The following ERFE variants were observed in gnomAD, a reference collection of about 807,000 sequenced individuals.
ERFE encodes complement C1q tumor necrosis factor-related protein 15.
ERFE carries 25 observed loss-of-function variants against 26.6 expected under a neutral mutation model. The ratio of observed to expected loss-of-function variants is 0.94; its 90% CI spans 0.69 to 1.31. The LOEUF is 1.31. ERFE is among the 40% of genes most tolerant of loss of function. ERFE has a pLI of 0.00. For synonymous variants in ERFE, 206 were observed against 204.5 expected, an observed-to-expected ratio of 1.01 and a Z score of -0.06; for missense variants, 447 against 440.2, an observed-to-expected ratio of 1.02 and a Z score of -0.14.
In ERFE at chr2:238,163,833, C is replaced by T; in HGVS notation, c.521C>T (p.Ala174Val). ...AGCCTCGCCCCGGTCTCGGCCACCG[C>T]CGGGGAGGACGACGACGACGTGGTG... ...AASLAPVSAT[A>V]GEDDDDVVGD... Residue 174 changes from alanine to valine, a missense_variant, in exon 4 of 8, where the codon GCC (alanine) becomes GTC (valine). Physicochemically the swap from Ala to Val is moderately conservative, Grantham distance 64 (BLOSUM62 0). Transcript: ENST00000546354. 7.6e-7 allele frequency: 1 copy of T among 1,322,386 alleles called. No homozygotes were observed. The highest frequency in any genetic ancestry group is 9.6e-7 in the Non-Finnish European group (1 of 1,043,148). The allele number at this position is 1,322,386 out of a possible 1,614,324, so 81.9% of individuals were successfully genotyped here.
chr2:238,161,215 C>T (rs543641491), intron 1 of ERFE, among the ~76,000 whole-genome samples: 2 of 152,300 alleles, frequency 1.3e-5, no homozygotes, highest in South Asian at 2.1e-4. Context: ...CTCCAGTGGT[C>T]GGATCCTCCT....
intron 1 of ERFE, among the ~76,000 whole-genome samples, chr2:238,160,485 G>A (rs1163167402): frequency 1.3e-5 from 2 of 152,152 alleles, no homozygotes; most frequent in African/African-American, 4.8e-5. Context: ...AGGGGGTAGA[G>A]GGGAGATCAG....
rs1693053161 is a variant in ERFE, at chr2:238,167,183, CTG to C, written c.*130_*131del. The C allele has an allele frequency of 1.0e-6, 1 of 978,176 alleles. No homozygotes were observed. Among genetic ancestry groups the C allele is most frequent in the African/African-American group, 1.6e-5 (1 of 62,320 alleles). 60.6% of individuals were successfully genotyped at this position (978,176 alleles called of 1,614,324 possible). A position where few individuals can be genotyped will look rare whatever the true frequency, so the allele number is the denominator to read the frequency against. ...CCCGGAACTCTGCCCACACTGGCCA[CTG>C]CAGTTCAGCCCACAGAGCCACTGCA... On this transcript the variant is annotated 3_prime_UTR_variant, in exon 8 of 8. Transcript: ENST00000546354.
Position 238,161,690 on chromosome 2 carries a change from A to C in ERFE, c.295A>C (p.Ser99Arg), listed in dbSNP as rs1692941495. 20 of 1,547,174 alleles carry C rather than the reference A, an allele frequency of 1.3e-5. No homozygotes were observed. The highest frequency in any genetic ancestry group is 1.7e-5 in the Non-Finnish European group (20 of 1,144,474). The change falls in exon 2 of 8, where the codon AGC becomes CGC. Residue 99 changes from serine (S) to arginine (R), a missense_variant. By Grantham distance (110) the Ser-to-Arg change is moderately radical (BLOSUM62 -1). Coordinates refer to ENST00000546354, the MANE Select transcript of ERFE (RefSeq NM_001291832.2). ...SDKGVNGKKRSRGKAKKLKFG... is the reference protein window; with the variant it reads ...SDKGVNGKKRRRGKAKKLKFG... ...CAAGGGTGTCAATGGCAAGAAGAGG[A>C]GCAGGGGCAAGGCCAAGAAGCTGAA... is the stretch of plus-strand genomic sequence containing the variant.
At chr2:238,164,425 TA>T in intron 6 of ERFE, 65 bp downstream of exon 6, 1 of 1,480,118 alleles carries the variant, frequency 6.8e-7, no homozygotes. Flanking sequence ...TGGAGGTGGT[TA>T]AACAGGCACT....
chr2:238,163,634 C>A (rs1028011147), intron 3 of ERFE, 103 bp from the exon 4 acceptor site: 1 of 1,206,160 alleles, frequency 8.3e-7, no homozygotes, highest in East Asian at 3.4e-5. Context: ...CCCCTGCGCC[C>A]GGCAGGCCCC....
chr2:238,167,240 G>T lies in ERFE; in HGVS notation c.*186G>T, dbSNP rs1272685805. 1 of 721,464 alleles carries T rather than the reference G, an allele frequency of 1.4e-6. No homozygotes were observed. Among genetic ancestry groups the T allele is most frequent in the Non-Finnish European group, 2.5e-6 (1 of 402,972 alleles). 44.7% of individuals were successfully genotyped at this position (721,464 alleles called of 1,614,324 possible). A position where few individuals can be genotyped will look rare whatever the true frequency, so the allele number is the denominator to read the frequency against. ...GGCCTACGGACGTGACACGCACGCT[G>T]GTGGTCCCGGAGCCAGGGTTGATTC... On this transcript the variant is annotated 3_prime_UTR_variant, in exon 8 of 8. Coordinates refer to ENST00000546354, the MANE Select transcript of ERFE (RefSeq NM_001291832.2).
chr2:238,158,976 G>T lies in ERFE; in HGVS notation c.-32G>T. The stretch of plus-strand genomic sequence containing the variant: ...AGGAGCCCGGGGCGTCCGAGACGCC[G>T]CGCTCGGAGCCGCGAGGGAACCGCC... On this transcript the variant is annotated 5_prime_UTR_variant, in exon 1 of 8. Coordinates refer to ENST00000546354, the MANE Select transcript of ERFE (RefSeq NM_001291832.2). 4.1e-6 allele frequency: 1 copy of T among 246,396 alleles called. No individual in the cohort carries two copies. Among genetic ancestry groups the T allele is most frequent in the South Asian group, 1.5e-4 (1 of 6,498 alleles). The allele number at this position is 246,396 out of a possible 1,614,324, so 15.3% of individuals were successfully genotyped here.
rs202207079 is a variant in ERFE, at chr2:238,168,067, C to T, written c.*1013C>T. 9 of 199,114 alleles carry T rather than the reference C, an allele frequency of 4.5e-5. No individual in the cohort carries two copies. In the East Asian group the frequency reaches 1.1e-3, roughly 24 times the overall value. 12.3% of individuals were successfully genotyped at this position (199,114 alleles called of 1,614,324 possible). ...CATCTTTCCCACTTGGGTGGCCATGCGGCGCTGACATTGGACAGGTGGTGG... is the reference window on the plus strand; with the variant it reads ...CATCTTTCCCACTTGGGTGGCCATGTGGCGCTGACATTGGACAGGTGGTGG... On this transcript the variant is annotated 3_prime_UTR_variant, in exon 8 of 8. Coordinates refer to ENST00000546354, the MANE Select transcript of ERFE (RefSeq NM_001291832.2).
Position 238,167,507 on chromosome 2 carries a change from C to CT in ERFE, c.*454dup. ...GTCAGCTGACGCAGGGCTGAGGGGG[C>CT]TGCCACAGGGACGTACGCTGTGTGT... On this transcript the variant is annotated 3_prime_UTR_variant, in exon 8 of 8. Transcript: ENST00000546354. 1 of 461,810 alleles carries CT rather than the reference C, an allele frequency of 2.2e-6. No individual in the cohort carries two copies. Among genetic ancestry groups the CT allele is most frequent in the Non-Finnish European group, 4.3e-6 (1 of 230,790 alleles). 28.6% of individuals were successfully genotyped at this position (461,810 alleles called of 1,614,324 possible). A position where few individuals can be genotyped will look rare whatever the true frequency, so the allele number is the denominator to read the frequency against.
In ERFE at chr2:238,161,677, T is replaced by C. The variant is rs1692941130; in HGVS notation, c.282T>C (p.Asn94=). 18 of 1,547,660 alleles carry C rather than the reference T, an allele frequency of 1.2e-5. No individual in the cohort carries two copies. The highest frequency in any genetic ancestry group is 1.6e-5 in the Non-Finnish European group (18 of 1,144,788). ...LFVRQSDKGV[N]GKKRSRGKAK... is the part of the protein sequence containing the mutation. ...TCAGGCAGAGTGACAAGGGTGTCAA[T>C]GGCAAGAAGAGGAGCAGGGGCAAGG... Residue 94 remains asparagine (N), a synonymous_variant, in exon 2 of 8, where the codon AAT becomes AAC. Transcript: ENST00000546354.
rs1425457476 is a variant in ERFE, at chr2:238,167,618, C to T, written c.*564C>T. ...TGGTCTTCCCTGCCCCTCCCCTAAC[C>T]GTGTTCTACCTGCCAGTGGAGCTGA... On this transcript the variant is annotated 3_prime_UTR_variant, in exon 8 of 8. Coordinates refer to ENST00000546354, the MANE Select transcript of ERFE (RefSeq NM_001291832.2). The T allele has an allele frequency of 5.5e-6, 2 of 364,822 alleles. No individual in the cohort carries two copies. The highest frequency in any genetic ancestry group is 1.1e-5 in the Non-Finnish European group (2 of 183,112). The allele number at this position is 364,822 out of a possible 1,614,324, so 22.6% of individuals were successfully genotyped here.
intron 7 of ERFE, 40 bp downstream of exon 7, chr2:238,165,724 G>T: frequency 6.5e-7 from 1 of 1,531,976 alleles, no homozygotes; most frequent in South Asian, 1.2e-5. Flanking sequence ...GCACCGCCTG[G>T]GCATGGCCAC....
rs1692976951 is a variant in ERFE, at chr2:238,163,720, C to T, written c.425-17C>T. Reference sequence around the variant, plus strand: ...TGAGGGGTCCCTGGCGCGCGGCCACCGCTCGCTCTGTGCCAGGTGCGGTGC... The same window carrying T: ...TGAGGGGTCCCTGGCGCGCGGCCACTGCTCGCTCTGTGCCAGGTGCGGTGC... On this transcript the variant is annotated splice_polypyrimidine_tract_variant and intron_variant, in intron 3 of 7. Transcript: ENST00000546354. 3 of 1,290,442 alleles carry T rather than the reference C, an allele frequency of 2.3e-6. No homozygotes were observed. Among genetic ancestry groups the T allele is most frequent in the East Asian group, 6.3e-5 (2 of 31,512 alleles). 79.9% of individuals were successfully genotyped at this position (1,290,442 alleles called of 1,614,324 possible).
intron 7 of ERFE, 119 bp from the exon 8 acceptor site, chr2:238,166,837 C>A: frequency 1.2e-6 from 1 of 828,656 alleles, no homozygotes; most frequent in Non-Finnish European, 1.9e-6. Context: ...CTTCTCTGGG[C>A]CTGAGCCCTT....
intron 3 of ERFE, chr2:238,163,521 C>A: frequency 2.0e-6 from 1 of 503,166 alleles, no homozygotes; most frequent in Non-Finnish European, 3.0e-6. Context: ...TGGGGCACTT[C>A]TGCCCGAGCT....
Position 238,164,198 on chromosome 2 carries a change from G to A in ERFE, c.796+15G>A, listed in dbSNP as rs1692992468. ...GCTGCACGTGGGTGAGGCCCGGGGC[G>A]TGGGAGGATCGCCCGCTCTGTCGCC... On this transcript the variant is annotated intron_variant, in intron 5 of 7. Coordinates refer to ENST00000546354, the MANE Select transcript of ERFE (RefSeq NM_001291832.2). 1 of 1,433,538 alleles carries A rather than the reference G, an allele frequency of 7.0e-7. No individual in the cohort carries two copies. The highest frequency in any genetic ancestry group is 9.1e-7 in the Non-Finnish European group (1 of 1,103,798). The allele number at this position is 1,433,538 out of a possible 1,614,324, so 88.8% of individuals were successfully genotyped here.
chr2:238,167,383 C>T lies in ERFE; in HGVS notation c.*329C>T. The T allele has an allele frequency of 1.7e-6, 1 of 594,714 alleles. No homozygotes were observed. The highest frequency in any genetic ancestry group is 3.7e-5 in the East Asian group (1 of 26,828). The allele number at this position is 594,714 out of a possible 1,614,324, so 36.8% of individuals were successfully genotyped here. On this transcript the variant is annotated 3_prime_UTR_variant, in exon 8 of 8. Transcript: ENST00000546354. The stretch of plus-strand genomic sequence containing the variant: ...GCCTGCTCAGCACCTGCCCAGATGG[C>T]CTCTGCGTCTTTCCTGTGCCCAGCC...
intron 3 of ERFE, 175 bp from the exon 4 acceptor site, chr2:238,163,562 G>T: frequency 1.3e-6 from 1 of 772,750 alleles, no homozygotes; most frequent in Non-Finnish European, 1.7e-6. Context: ...GGGAGCCGCT[G>T]CAGGGTCAGG....
Sources: gnomAD v4.1 joint callset for allele counts (sites outside exome capture counted in the v4.1 genomes callset) on GRCh38, gnomAD v4.1.1 for gene constraint, MANE v1.5 for transcripts, NCBI Gene and HGNC (gene_info 2026-07-23, HGNC 2026-07-21) for gene names.